The following DNM1 variants were observed in gnomAD, a reference collection of about 807,000 sequenced individuals.
DNM1 encodes the protein dynamin 1, also known as dynamin-1.
Under a neutral mutation model 104.6 loss-of-function variants are expected in DNM1, and 29 were observed. The ratio of observed to expected loss-of-function variants is 0.28; its 90% CI spans 0.21 to 0.38. DNM1 has a LOEUF of 0.38. Among genes scored for constraint, DNM1 ranks in the 10% least tolerant of loss-of-function variants. The probability of loss-of-function intolerance (pLI) is 1.00; values close to 1 mark genes in which losing one functional copy is unlikely to be tolerated. For synonymous variants in DNM1, 445 were observed against 475.8 expected, an observed-to-expected ratio of 0.94 and a Z score of 0.84; for missense variants, 640 against 1,189.4, an observed-to-expected ratio of 0.54 and a Z score of 6.79.
chr9:128,242,174 A>G (rs754280164), intron 14 of DNM1, 58 bp from the exon 15 acceptor site: 3 of 979,668 alleles, frequency 3.1e-6, no homozygotes, highest in African/African-American at 1.6e-5. Flanking sequence ...TGCCTACCCC[A>G]TCCCCCATGG....
At position 128,247,784 on chromosome 9, in the gene DNM1, G is replaced by T; in HGVS notation, c.1894-140G>T. 1 of 1,114,876 alleles carries T rather than the reference G, an allele frequency of 9.0e-7. No individual in the cohort carries two copies. Among genetic ancestry groups the T allele is most frequent in the Non-Finnish European group, 1.3e-6 (1 of 768,114 alleles). The allele number at this position is 1,114,876 out of a possible 1,614,324, so 69.1% of individuals were successfully genotyped here. On this transcript the variant is annotated intron_variant, in intron 17 of 21. Coordinates refer to ENST00000372923, the MANE Select transcript of DNM1 (RefSeq NM_004408.4). This position sits in a 1 kb window ranked among gnomAD's most constrained non-coding sequence, Gnocchi z 5.1. ...TCTCTTTTCTCCCCTATTTCACTGTGGCGATGTCTAGAGTAGCCTGAGAGT... is the reference window on the plus strand; with the variant it reads ...TCTCTTTTCTCCCCTATTTCACTGTTGCGATGTCTAGAGTAGCCTGAGAGT...
chr9:128,235,314 T>C (rs1835945925), intron 11 of DNM1, among the ~76,000 whole-genome samples: 1 of 151,830 alleles, frequency 6.6e-6, no homozygotes, highest in Non-Finnish European at 1.5e-5. Context: ...GCCAACATGG[T>C]GAAACCCCGT....
intron 1 of DNM1, among the ~76,000 whole-genome samples, chr9:128,215,247 C>T (rs1834535156): frequency 6.6e-6 from 1 of 152,224 alleles, no homozygotes; most frequent in African/African-American, 2.4e-5. Flanking sequence ...GGCACTGGCT[C>T]CTCAGCATGG....
rs2131299794 is a variant in DNM1 at position 128,250,896 on chromosome 9, T to C, written c.2490T>C (p.Pro830=). The C allele has an allele frequency of 7.3e-7, 1 of 1,367,734 alleles. No homozygotes were observed. The highest frequency in any genetic ancestry group is 9.4e-7 in the Non-Finnish European group (1 of 1,063,438). The allele number at this position is 1,367,734 out of a possible 1,614,324, so 84.7% of individuals were successfully genotyped here. Residue 830 remains proline, a synonymous_variant, in exon 21 of 22, where the codon CCT becomes CCC. Transcript: ENST00000372923. ...CCCCTGACCCTTTCGGCCCTCCCCC[T>C]CAGGTGCCCTCGCGCCCCAACCGCG... ...GASPDPFGPP[P]QVPSRPNRAP...
intron 10 of DNM1, chr9:128,232,265 A>G (rs1489028168): frequency 3.0e-6 from 1 of 333,908 alleles, no homozygotes; most frequent in Non-Finnish European, 5.9e-6. Context: ...CCCAGTCCCA[A>G]ATGTCTGCCC....
rs183169177 is a variant in DNM1 at position 128,208,230 on chromosome 9, T to C, written c.161+4599T>C. 1.2e-3 allele frequency among the ~76,000 whole-genome samples: 185 copies of C among 152,184 alleles called. 1 individual carries two copies. Among genetic ancestry groups the C allele is most frequent in the African/African-American group, 4.3e-3 (177 of 41,514 alleles). On this transcript the variant is annotated intron_variant, in intron 1 of 21. Coordinates refer to ENST00000372923, the MANE Select transcript of DNM1 (RefSeq NM_004408.4). ...ATGTACCACCACGCCCGGCTAATTT[T>C]TGTATTTTTAATAGAGATGGAGTTT...
rs1835545590 is a variant in DNM1 at position 128,229,595 on chromosome 9, C to G, written c.1336-4426C>G. On this transcript the variant is annotated intron_variant, in intron 10 of 21. Coordinates refer to ENST00000372923, the MANE Select transcript of DNM1 (RefSeq NM_004408.4). ...TCCAGACTGGAAGACAGAGCAAAAC[C>G]TTATCAAAAAAAAAAAAAAAAAAAA... Among the ~76,000 whole-genome samples, 7 of 85,794 alleles carry G rather than the reference C, an allele frequency of 8.2e-5. No homozygotes were observed. The South Asian group carries it at 3.4e-3, about 41-fold the overall frequency. The allele number at this position is 85,794 out of a possible 152,430, so 56.3% of individuals were successfully genotyped here.
chr9:128,209,823 G>A (rs1298479873), intron 1 of DNM1, among the ~76,000 whole-genome samples: 1 of 152,168 alleles, frequency 6.6e-6, no homozygotes, highest in African/African-American at 2.4e-5. Flanking sequence ...GGGAATTCTG[G>A]GGCATCTGAG....
intron 20 of DNM1, 118 bp downstream of exon 20, chr9:128,250,474 G>T: frequency 8.3e-7 from 1 of 1,207,894 alleles, no homozygotes; most frequent in Non-Finnish European, 1.1e-6. Context: ...TGGAGCGAGG[G>T]GCGGAGCTTA....
In DNM1 at chr9:128,224,473, T is replaced by C; in HGVS notation, c.1335+84T>C. 1 of 1,384,634 alleles carries C rather than the reference T, an allele frequency of 7.2e-7. No homozygotes were observed. The highest frequency in any genetic ancestry group is 9.9e-7 in the Non-Finnish European group (1 of 1,005,532). 85.8% of individuals were successfully genotyped at this position (1,384,634 alleles called of 1,614,324 possible). ...GGCGCTCCTTCCCCATGTCCCCCCC[T>C]GCCTCCTCGGTAGCATGTACAGACC... On this transcript the variant is annotated intron_variant, in intron 10 of 21. Coordinates refer to ENST00000372923, the MANE Select transcript of DNM1 (RefSeq NM_004408.4). This position sits in a 1 kb window ranked among gnomAD's most constrained non-coding sequence, Gnocchi z 4.3.
In DNM1 at chr9:128,220,284, T is replaced by A. The variant is rs1206202964; in HGVS notation, c.792T>A (p.Ser264=). 1 of 1,614,240 alleles carries A rather than the reference T, an allele frequency of 6.2e-7. No individual in the cohort carries two copies. Residue 264 remains serine, a synonymous_variant, in exon 6 of 22, where the codon TCT becomes TCA. Coordinates refer to ENST00000372923, the MANE Select transcript of DNM1 (RefSeq NM_004408.4). This position sits in a 1 kb window ranked among gnomAD's most constrained non-coding sequence, Gnocchi z 5.2. ...AERKFFLSHP[S]YRHLADRMGT... ...GAAAGTTCTTCCTCTCCCATCCATCTTATCGCCACTTGGCTGACCGTATGG... is the reference window on the plus strand; with the variant it reads ...GAAAGTTCTTCCTCTCCCATCCATCATATCGCCACTTGGCTGACCGTATGG...
rs1182868206 is a variant in DNM1, at chr9:128,203,660, C to T, written c.161+29C>T. The T allele has an allele frequency of 2.7e-6, 4 of 1,487,616 alleles. No individual in the cohort carries two copies. Among genetic ancestry groups the T allele is most frequent in the South Asian group, 2.5e-5 (2 of 79,938 alleles). The allele number at this position is 1,487,616 out of a possible 1,614,324, so 92.2% of individuals were successfully genotyped here. On this transcript the variant is annotated intron_variant, in intron 1 of 21. Transcript: ENST00000372923. The surrounding 1 kb of genome is among the most constrained non-coding windows in gnomAD (Gnocchi z 5.3). Reference sequence around the variant, plus strand: ...GGCGCGGCGCGCCCCCAGGCGCCGACCCCCGACCCCCGGGATCCCTGGAGT... The same window carrying T: ...GGCGCGGCGCGCCCCCAGGCGCCGATCCCCGACCCCCGGGATCCCTGGAGT...
In DNM1 at chr9:128,220,765, G is replaced by GTGTGTGTGTGTC. The variant is rs1432585973; in HGVS notation, c.849+427_849+428insGTGTGTGTCTGT. Among the ~76,000 whole-genome samples the GTGTGTGTGTGTC allele has an allele frequency of 8.6e-5, 13 of 151,664 alleles. No individual in the cohort carries two copies. Among genetic ancestry groups the GTGTGTGTGTGTC allele is most frequent in the African/African-American group, 2.9e-4 (12 of 41,324 alleles). On this transcript the variant is annotated intron_variant, in intron 6 of 21. Coordinates refer to ENST00000372923, the MANE Select transcript of DNM1 (RefSeq NM_004408.4). The surrounding 1 kb of genome is among the most constrained non-coding windows in gnomAD (Gnocchi z 5.2). ...CGCGTGTGTGTGTGTGTGTGTGTGT[G>GTGTGTGTGTGTC]TGTCTGTCTGACTGTCTGTCTGTGT...
chr9:128,247,628 T>G lies in DNM1; in HGVS notation c.1893+142T>G. On this transcript the variant is annotated intron_variant, in intron 17 of 21. Coordinates refer to ENST00000372923, the MANE Select transcript of DNM1 (RefSeq NM_004408.4). The surrounding 1 kb of genome is among the most constrained non-coding windows in gnomAD (Gnocchi z 5.1). ...TAGGAATCCTCCCCCCTACCCACTCTGGGGGTGGGAACAGAGATAAGTCTC... is the reference window on the plus strand; with the variant it reads ...TAGGAATCCTCCCCCCTACCCACTCGGGGGGTGGGAACAGAGATAAGTCTC... 1.3e-6 allele frequency: 1 copy of G among 749,044 alleles called. No homozygotes were observed. The allele number at this position is 749,044 out of a possible 1,614,324, so 46.4% of individuals were successfully genotyped here.
intron 10 of DNM1, among the ~76,000 whole-genome samples, chr9:128,225,601 C>T (rs1344683156): frequency 3.3e-5 from 5 of 152,182 alleles, no homozygotes; most frequent in Admixed American, 6.5e-5. Context: ...AGGTCCTGGC[C>T]TTGTCCTGGC....
In DNM1 at chr9:128,234,072, C is replaced by A; in HGVS notation, c.1387C>A (p.His463Asn). 6.3e-7 allele frequency: 1 copy of A among 1,577,428 alleles called. No homozygotes were observed. Among genetic ancestry groups the A allele is most frequent in the Admixed American group, 1.8e-5 (1 of 55,094 alleles). The change falls in exon 11 of 22, where the codon CAC (histidine) becomes AAC (asparagine). Residue 463 changes from histidine (H) to asparagine (N), a missense_variant. By Grantham distance (68) the His-to-Asn change is moderately conservative. This residue lies in a region of DNM1 where 92 missense variants were observed against 124.4 expected (regional missense o/e 0.74). Transcript: ENST00000372923. ...GGAGATGGAGCGCATCGTGACCACC[C>A]ACATCCGGGAGCGCGAGGGCCGCAC... ...REEMERIVTT[H>N]IREREGRTKE...
At position 128,243,747 on chromosome 9, in the gene DNM1, G is replaced by A. The variant is rs10987945; in HGVS notation, c.1671+1402G>A. The stretch of plus-strand genomic sequence containing the variant: ...ACCATGTGACCTGGGGCTGAGGGCC[G>A]GAGACCGGGTGACACTGTGGGGGAG... On this transcript the variant is annotated intron_variant, in intron 15 of 21. Transcript: ENST00000372923. This position sits in a 1 kb window ranked among gnomAD's most constrained non-coding sequence, Gnocchi z 4.0. Among the ~76,000 whole-genome samples, 6 of 152,014 alleles carry A rather than the reference G, an allele frequency of 3.9e-5. No individual in the cohort carries two copies. Among genetic ancestry groups the A allele is most frequent in the African/African-American group, 9.7e-5 (4 of 41,340 alleles).
intron 14 of DNM1, among the ~76,000 whole-genome samples, chr9:128,241,410 C>T (rs893783220): frequency 6.6e-6 from 1 of 152,220 alleles, no homozygotes; most frequent in Non-Finnish European, 1.5e-5. Context: ...GAAAAGGGAC[C>T]TTAGCTTGTT....
Position 128,222,665 on chromosome 9 carries a change from C to A in DNM1, c.1128+69C>A, listed in dbSNP as rs926326847. Reference sequence around the variant, plus strand: ...CCACCCTCACTCAGGACTCTCTCTGCGTGTGTTTTTGCTGGCCCCCACCCC... The same window carrying A: ...CCACCCTCACTCAGGACTCTCTCTGAGTGTGTTTTTGCTGGCCCCCACCCC... On this transcript the variant is annotated intron_variant, in intron 8 of 21. Coordinates refer to ENST00000372923, the MANE Select transcript of DNM1 (RefSeq NM_004408.4). This position sits in a 1 kb window ranked among gnomAD's most constrained non-coding sequence, Gnocchi z 7.8. 1 of 1,604,308 alleles carries A rather than the reference C, an allele frequency of 6.2e-7. No individual in the cohort carries two copies. Among genetic ancestry groups the A allele is most frequent in the African/African-American group, 1.3e-5 (1 of 74,736 alleles).
Sources: allele counts gnomAD v4.1 joint callset (sites outside exome capture counted in the v4.1 genomes callset), GRCh38; gene constraint gnomAD v4.1.1; regional missense constraint gnomAD v4.1.1; non-coding constraint Gnocchi (gnomAD v3.1); transcripts MANE v1.5; gene names NCBI Gene and HGNC (gene_info 2026-07-23, HGNC 2026-07-21).